The following FKBPL variants were observed in gnomAD, a reference collection of about 807,000 sequenced individuals.
FKBPL encodes the protein FK506-binding protein-like.
A neutral mutation model predicts 27.9 loss-of-function variants in FKBPL; 31 were observed. The observed-to-expected ratio is 1.11, with a 90% CI of 0.83 to 1.50. FKBPL has a LOEUF of 1.50. Among genes scored for constraint, FKBPL ranks in the 40% most tolerant of loss-of-function variants. The pLI, the probability that FKBPL is intolerant of heterozygous loss-of-function variation, is 0.00. For synonymous variants in FKBPL, 134 were observed against 169.5 expected (o/e 0.79, Z 1.63); for missense variants, 355 against 425.9 (o/e 0.83, Z 1.46).
In FKBPL at chr6:32,129,472, G is replaced by A. The variant is rs763485877; in HGVS notation, c.309C>T (p.Ser103=). The change falls in exon 2 of 2, where the codon AGC becomes AGT. Residue 103 remains serine (S), a synonymous_variant. Coordinates refer to ENST00000375156, the MANE Select transcript of FKBPL (RefSeq NM_022110.4). This position sits in a 1 kb window ranked among gnomAD's most constrained non-coding sequence, Gnocchi z 4.5. ...ASDLWYCPDG[S]FVKKIVIRGH... ...CACGGATTACGATCTTCTTGACAAAGCTCCCATCGGGGCAGTACCAGAGAT... is the reference window on the plus strand; with the variant it reads ...CACGGATTACGATCTTCTTGACAAAACTCCCATCGGGGCAGTACCAGAGAT... The A allele has an allele frequency of 1.2e-6, 2 of 1,614,110 alleles. No individual in the cohort carries two copies. The highest frequency in any genetic ancestry group is 2.7e-5 in the African/African-American group (2 of 74,936).
chr6:32,128,741 A>G lies in FKBPL; in HGVS notation c.1040T>C (p.Met347Thr), dbSNP rs1782112985. The G allele has an allele frequency of 6.2e-7, 1 of 1,613,992 alleles. No individual in the cohort carries two copies. Among genetic ancestry groups the G allele is most frequent in the African/African-American group, 1.3e-5 (1 of 74,892 alleles). The change falls in exon 2 of 2, where the codon ATG becomes ACG. Residue 347 changes from methionine to threonine, a missense_variant. Transcript: ENST00000375156. ...DAGLAQGLRK[M>T]FG ...AGGTTTAACTTTTAATCAGCCAAAC[A>G]TCTTGCGCAGACCCTGAGCCAGCCC...
chr6:32,129,337 T>G lies in FKBPL; in HGVS notation c.444A>C (p.Val148=). 6.2e-7 allele frequency: 1 copy of G among 1,614,226 alleles called. No homozygotes were observed. The change falls in exon 2 of 2, where the codon GTA becomes GTC. Residue 148 remains valine, a synonymous_variant. Coordinates refer to ENST00000375156, the MANE Select transcript of FKBPL (RefSeq NM_022110.4). This position sits in a 1 kb window ranked among gnomAD's most constrained non-coding sequence, Gnocchi z 4.5. ...CCCAAGTTTCCTCCCTCCATGGCCC[T>G]ACGCCCATAGTTAGCTCTGTCCAGC... ...PEGWTELTMG[V]GPWREETWGE...
In FKBPL at chr6:32,129,909, T is replaced by G; in HGVS notation, c.-74-55A>C. On this transcript the variant is annotated intron_variant, in intron 1 of 1. Coordinates refer to ENST00000375156, the MANE Select transcript of FKBPL (RefSeq NM_022110.4). This position sits in a 1 kb window ranked among gnomAD's most constrained non-coding sequence, Gnocchi z 4.5. ...CAGGGTTCTTATTTAGACTCCTTTC[T>G]CGTCCTTTCCCATTCTTCTGAGACC... is the stretch of plus-strand genomic sequence containing the variant. 1 of 873,782 alleles carries G rather than the reference T, an allele frequency of 1.1e-6. No homozygotes were observed. The highest frequency in any genetic ancestry group is 1.9e-6 in the Non-Finnish European group (1 of 534,410). 54.1% of individuals were successfully genotyped at this position (873,782 alleles called of 1,614,324 possible). A position where few individuals can be genotyped will look rare whatever the true frequency, so the allele number is the denominator to read the frequency against.
chr6:32,129,394 C>G lies in FKBPL; in HGVS notation c.387G>C (p.Leu129Phe), dbSNP rs141060542. The G allele has an allele frequency of 6.2e-7, 1 of 1,614,120 alleles. No homozygotes were observed. The highest frequency in any genetic ancestry group is 8.5e-7 in the Non-Finnish European group (1 of 1,180,044). Residue 129 changes from leucine (L) to phenylalanine (F), a missense_variant, in exon 2 of 2, where the codon TTG (leucine) becomes TTC (phenylalanine). Coordinates refer to ENST00000375156, the MANE Select transcript of FKBPL (RefSeq NM_022110.4). This position sits in a 1 kb window ranked among gnomAD's most constrained non-coding sequence, Gnocchi z 4.5. ...GCGGCCCTGATCCGAAAGGAAACCCCAAAGCCAGTACCCGGCAGCAGGAGC... is the reference window on the plus strand; with the variant it reads ...GCGGCCCTGATCCGAAAGGAAACCCGAAAGCCAGTACCCGGCAGCAGGAGC... ...KLGSCCRVLA[L>F]GFPFGSGPPE... is the part of the protein sequence containing the mutation.
chr6:32,129,310 C>A lies in FKBPL; in HGVS notation c.471G>T (p.Gly157=). The A allele has an allele frequency of 6.2e-7, 1 of 1,614,246 alleles. No individual in the cohort carries two copies. The change falls in exon 2 of 2, where the codon GGG becomes GGT. Residue 157 remains glycine (G), a synonymous_variant. Coordinates refer to ENST00000375156, the MANE Select transcript of FKBPL (RefSeq NM_022110.4). The surrounding 1 kb of genome is among the most constrained non-coding windows in gnomAD (Gnocchi z 4.5). ...ACTCCAAGCATTTCTCTATGAGCTCCCCCCAAGTTTCCTCCCTCCATGGCC... is the reference window on the plus strand; with the variant it reads ...ACTCCAAGCATTTCTCTATGAGCTCACCCCAAGTTTCCTCCCTCCATGGCC... The part of the protein sequence containing the change: ...GVGPWREETW[G]ELIEKCLESM...
Position 32,129,520 on chromosome 6 carries a change from C to CATCT in FKBPL, c.257_260dup (p.Met87IlefsTer10). The CATCT allele has an allele frequency of 6.2e-7, 1 of 1,614,092 alleles. No homozygotes were observed. The highest frequency in any genetic ancestry group is 8.5e-7 in the Non-Finnish European group (1 of 1,180,028). Reference sequence around the variant, plus strand: ...GATCAGAAGCTTGAAGGGCCTCTGGCATCTGACTGGTTGATCCATGAGACT... The same window carrying CATCT: ...GATCAGAAGCTTGAAGGGCCTCTGGCATCTATCTGACTGGTTGATCCATGAGACT... On this transcript the variant is annotated frameshift_variant, in exon 2 of 2. Coordinates refer to ENST00000375156, the MANE Select transcript of FKBPL (RefSeq NM_022110.4). LOFTEE classifies it high-confidence loss of function. The surrounding 1 kb of genome is among the most constrained non-coding windows in gnomAD (Gnocchi z 4.5).
In FKBPL at chr6:32,128,959, G is replaced by C. The variant is rs774057791; in HGVS notation, c.822C>G (p.Ser274Arg). The part of the protein sequence containing the change: ...LLGQPQLAAQ[S>R]CDRVLEREPG... ...GCTCCCGCTCCAACACCCGGTCACAGCTCTGGGCTGCCAACTGAGGCTGCC... is the reference window on the plus strand; with the variant it reads ...GCTCCCGCTCCAACACCCGGTCACACCTCTGGGCTGCCAACTGAGGCTGCC... The change falls in exon 2 of 2, where the codon AGC becomes AGG. Residue 274 changes from serine to arginine, a missense_variant. Ser to Arg is a moderately radical substitution (Grantham distance 110, BLOSUM62 -1). Coordinates refer to ENST00000375156, the MANE Select transcript of FKBPL (RefSeq NM_022110.4). 6.2e-7 allele frequency: 1 copy of C among 1,614,062 alleles called. No individual in the cohort carries two copies. Among genetic ancestry groups the C allele is most frequent in the South Asian group, 1.1e-5 (1 of 91,090 alleles).
In FKBPL at chr6:32,129,125, TCTGTGC is replaced by T; in HGVS notation, c.650_655del (p.Gly217_Thr218del). On this transcript the variant is annotated inframe_deletion, in exon 2 of 2. Coordinates refer to ENST00000375156, the MANE Select transcript of FKBPL (RefSeq NM_022110.4). The surrounding 1 kb of genome is among the most constrained non-coding windows in gnomAD (Gnocchi z 4.5). ...TTCAGGGTTCCCAGCTCGAAATAGT[TCTGTGC>T]CCCTTGCACGTTCTTCCCTGGCCAG... is the stretch of plus-strand genomic sequence containing the variant. The T allele has an allele frequency of 2.5e-6, 4 of 1,614,254 alleles. No individual in the cohort carries two copies. Among genetic ancestry groups the T allele is most frequent in the Admixed American group, 3.3e-5 (2 of 60,032 alleles).
In FKBPL at chr6:32,128,933, G is replaced by A; in HGVS notation, c.848C>T (p.Pro283Leu). 2.5e-6 allele frequency: 4 copies of A among 1,614,168 alleles called. No homozygotes were observed. Among genetic ancestry groups the A allele is most frequent in the Non-Finnish European group, 2.5e-6 (3 of 1,180,014 alleles). The change falls in exon 2 of 2, where the codon CCT becomes CTT. Residue 283 changes from proline (P) to leucine (L), a missense_variant. Transcript: ENST00000375156. Reference protein sequence around the residue: ...QSCDRVLEREPGHLKALYRRG... With the variant: ...QSCDRVLERELGHLKALYRRG... The stretch of plus-strand genomic sequence containing the variant: ...TCGGTATAAGGCCTTTAAATGGCCA[G>A]GCTCCCGCTCCAACACCCGGTCACA...
chr6:32,129,532 T>G lies in FKBPL; in HGVS notation c.249A>C (p.Ser83=), dbSNP rs1362350305. The change falls in exon 2 of 2, where the codon TCA becomes TCC. Residue 83 remains serine (S), a synonymous_variant. Coordinates refer to ENST00000375156, the MANE Select transcript of FKBPL (RefSeq NM_022110.4). The surrounding 1 kb of genome is among the most constrained non-coding windows in gnomAD (Gnocchi z 4.5). ...LEGDSHKSHG[S]TSQMPEALQA... ...GAAGGGCCTCTGGCATCTGACTGGT[T>G]GATCCATGAGACTTATGAGAGTCTC... is the stretch of plus-strand genomic sequence containing the variant. 2 of 1,611,330 alleles carry G rather than the reference T, an allele frequency of 1.2e-6. No individual in the cohort carries two copies. The highest frequency in any genetic ancestry group is 1.7e-6 in the Non-Finnish European group (2 of 1,179,622).
rs1260847086 is a variant in FKBPL at position 32,128,985 on chromosome 6, C to A, written c.796G>T (p.Gly266Trp). ...CTCTGGGCTGCCAACTGAGGCTGCCCTAGCAACAACTGACAGGCAGCCAGA... is the reference window on the plus strand; with the variant it reads ...CTCTGGGCTGCCAACTGAGGCTGCCATAGCAACAACTGACAGGCAGCCAGA... ...ANLAACQLLL[G>W]QPQLAAQSCD... Residue 266 changes from glycine (G) to tryptophan (W), a missense_variant, in exon 2 of 2, where the codon GGG becomes TGG. Physicochemically the swap from Gly to Trp is radical, Grantham distance 184. Coordinates refer to ENST00000375156, the MANE Select transcript of FKBPL (RefSeq NM_022110.4). 3.1e-6 allele frequency: 5 copies of A among 1,613,952 alleles called. No homozygotes were observed. The African/African-American group carries it at 6.7e-5, about 22-fold the overall frequency.
rs2127352619 is a variant in FKBPL at position 32,129,485 on chromosome 6, C to A, written c.296G>T (p.Cys99Phe). ...CTTCTTGACAAAGCTCCCATCGGGGCAGTACCAGAGATCAGAAGCTTGAAG... is the reference window on the plus strand; with the variant it reads ...CTTCTTGACAAAGCTCCCATCGGGGAAGTACCAGAGATCAGAAGCTTGAAG... ...EALQASDLWY[C>F]PDGSFVKKIV... Residue 99 changes from cysteine to phenylalanine, a missense_variant, in exon 2 of 2, where the codon TGC (cysteine) becomes TTC (phenylalanine). Coordinates refer to ENST00000375156, the MANE Select transcript of FKBPL (RefSeq NM_022110.4). The surrounding 1 kb of genome is among the most constrained non-coding windows in gnomAD (Gnocchi z 4.5). The A allele has an allele frequency of 6.2e-7, 1 of 1,614,254 alleles. No individual in the cohort carries two copies. The highest frequency in any genetic ancestry group is 8.5e-7 in the Non-Finnish European group (1 of 1,180,046).
intron 1 of FKBPL, 21 bp downstream of exon 1, chr6:32,130,074 C>G: frequency 1.8e-6 from 1 of 549,694 alleles, no homozygotes; most frequent in Non-Finnish European, 3.2e-6. Context: ...ACTACGGACA[C>G]CCGGTCGGGT....
chr6:32,128,934 G>A lies in FKBPL; in HGVS notation c.847C>T (p.Pro283Ser), dbSNP rs1561774896. The change falls in exon 2 of 2, where the codon CCT (proline) becomes TCT (serine). Residue 283 changes from proline (P) to serine (S), a missense_variant. Transcript: ENST00000375156. ...QSCDRVLERE[P>S]GHLKALYRRG... ...CGGTATAAGGCCTTTAAATGGCCAG[G>A]CTCCCGCTCCAACACCCGGTCACAG... 6.2e-7 allele frequency: 1 copy of A among 1,614,112 alleles called. No individual in the cohort carries two copies. Among genetic ancestry groups the A allele is most frequent in the Non-Finnish European group, 8.5e-7 (1 of 1,179,984 alleles).
rs749969439 is a variant in FKBPL at position 32,129,633 on chromosome 6, C to A, written c.148G>T (p.Glu50Ter). The A allele has an allele frequency of 3.5e-5, 57 of 1,614,060 alleles. No individual in the cohort carries two copies. Among genetic ancestry groups the A allele is most frequent in the Non-Finnish European group, 4.7e-5 (56 of 1,180,042 alleles). Residue 50 changes from glutamate (E) to a stop codon, truncating the protein, a stop_gained, in exon 2 of 2, where the codon GAA (glutamate) becomes TAA (stop). Coordinates refer to ENST00000375156, the MANE Select transcript of FKBPL (RefSeq NM_022110.4). LOFTEE classifies it high-confidence loss of function. The surrounding 1 kb of genome is among the most constrained non-coding windows in gnomAD (Gnocchi z 4.5). The part of the protein sequence containing the change: ...RDPPTETLEL[E>*]VSPDPASQIL... ...TGGCTGGCTGGATCTGGGCTTACTTCCAGCTCAAGCGTTTCGGTAGGAGGG... is the reference window on the plus strand; with the variant it reads ...TGGCTGGCTGGATCTGGGCTTACTTACAGCTCAAGCGTTTCGGTAGGAGGG...
chr6:32,129,721 C>T lies in FKBPL; in HGVS notation c.60G>A (p.Glu20=), dbSNP rs1333642422. ...GEKDTSQPQQ[E]WEKNLRENLD... is the part of the protein sequence containing the mutation. ...GGTTCTCCCGAAGGTTCTTTTCCCA[C>T]TCTTGTTGCGGCTGAGAGGTGTCCT... Residue 20 remains glutamate (E), a synonymous_variant, in exon 2 of 2, where the codon GAG becomes GAA. Transcript: ENST00000375156. This position sits in a 1 kb window ranked among gnomAD's most constrained non-coding sequence, Gnocchi z 4.5. 2 of 1,614,194 alleles carry T rather than the reference C, an allele frequency of 1.2e-6. No individual in the cohort carries two copies. The highest frequency in any genetic ancestry group is 1.1e-5 in the South Asian group (1 of 91,078).
In FKBPL at chr6:32,130,234, G is replaced by A. The variant is rs1017693846; in HGVS notation, c.-214C>T. ...GAGAGGGCAGCCGGAGAGGGGCGCGGTGCGGGAGGCGGGGGTAGGGGGCGG... is the reference window on the plus strand; with the variant it reads ...GAGAGGGCAGCCGGAGAGGGGCGCGATGCGGGAGGCGGGGGTAGGGGGCGG... On this transcript the variant is annotated 5_prime_UTR_variant, in exon 1 of 2. Coordinates refer to ENST00000375156, the MANE Select transcript of FKBPL (RefSeq NM_022110.4). 1.5e-5 allele frequency: 3 copies of A among 197,106 alleles called. No individual in the cohort carries two copies. Among genetic ancestry groups the A allele is most frequent in the Non-Finnish European group, 3.2e-5 (3 of 94,942 alleles). 12.2% of individuals were successfully genotyped at this position (197,106 alleles called of 1,614,324 possible).
rs2127351664 is a variant in FKBPL at position 32,128,768 on chromosome 6, G to T, written c.1013C>A (p.Ala338Glu). The change falls in exon 2 of 2, where the codon GCA becomes GAA. Residue 338 changes from alanine (A) to glutamate (E), a missense_variant. Ala to Glu is a moderately radical substitution (Grantham distance 107). Transcript: ENST00000375156. ...KVVIQGKNQD[A>E]GLAQGLRKMF... ...CTTGCGCAGACCCTGAGCCAGCCCT[G>T]CATCCTGGTTCTTCCCCTGAATGAC... The T allele has an allele frequency of 6.2e-7, 1 of 1,614,178 alleles. No individual in the cohort carries two copies. Among genetic ancestry groups the T allele is most frequent in the African/African-American group, 1.3e-5 (1 of 75,032 alleles).
At position 32,129,564 on chromosome 6, in the gene FKBPL, G is replaced by C. The variant is rs370982277; in HGVS notation, c.217C>G (p.Leu73Val). ...TQGAEKLVAE[L>V]EGDSHKSHGS... ...TGAGACTTATGAGAGTCTCCTTCAA[G>C]TTCAGCAACCAGTTTTTCAGCTCCT... The change falls in exon 2 of 2, where the codon CTT (leucine) becomes GTT (valine). Residue 73 changes from leucine (L) to valine (V), a missense_variant. Leu to Val is a conservative substitution (Grantham distance 32). Coordinates refer to ENST00000375156, the MANE Select transcript of FKBPL (RefSeq NM_022110.4). This position sits in a 1 kb window ranked among gnomAD's most constrained non-coding sequence, Gnocchi z 4.5. 4.7e-5 allele frequency: 75 copies of C among 1,612,680 alleles called. No homozygotes were observed. Among genetic ancestry groups the C allele is most frequent in the Non-Finnish European group, 6.4e-5 (75 of 1,179,718 alleles).
Sources: gnomAD v4.1 joint callset for allele counts on GRCh38, gnomAD v4.1.1 for gene constraint, Gnocchi (gnomAD v3.1) non-coding constraint, MANE v1.5 for transcripts, NCBI Gene and HGNC (gene_info 2026-07-23, HGNC 2026-07-21) for gene names.